Variants in TMIE observed in about 807,000 individuals in gnomAD.
TMIE encodes transmembrane inner ear.
In TMIE, 14 loss-of-function variants were observed where a neutral mutation model predicts 16.8. The observed-to-expected ratio is 0.83, with a 90% CI of 0.55 to 1.30. TMIE has a LOEUF of 1.30. TMIE is among the 50% of genes most tolerant of loss of function. The probability of loss-of-function intolerance (pLI) is 0.00; values close to 1 mark genes in which losing one functional copy is unlikely to be tolerated. For synonymous variants in TMIE, 75 were observed against 87.2 expected (o/e 0.86, Z 0.78); for missense variants, 204 against 205.9 (o/e 0.99, Z 0.06).
At chr3:46,698,334 G>C (rs528404562), upstream of TMIE, among the ~76,000 whole-genome samples, 2 of 151,968 alleles carry the variant, frequency 1.3e-5, no homozygotes, top group Non-Finnish European at 2.9e-5. Context: ...GTGAGCCACC[G>C]CACCTGGCCC....
rs555355763 is a variant in TMIE at position 46,707,253 on chromosome 3, G to A, written c.211+1346G>A. ...TAGGATGCAGGTCTACGGAGCAGCA[G>A]GGAGAGCACTGTGGGCCTCAAGACA... On this transcript the variant is annotated intron_variant, in intron 2 of 3. Coordinates refer to ENST00000643606, the MANE Select transcript of TMIE (RefSeq NM_147196.3). 4.6e-5 allele frequency among the ~76,000 whole-genome samples: 7 copies of A among 152,372 alleles called. 1 individual carries two copies. The South Asian group carries it at 1.2e-3, about 27-fold the overall frequency.
upstream of TMIE, among the ~76,000 whole-genome samples, chr3:46,700,444 G>T (rs1439453661): frequency 6.6e-6 from 1 of 152,138 alleles, no homozygotes; most frequent in Admixed American, 6.5e-5. Flanking sequence ...CCCAGCCTGC[G>T]CAGGCCTTCA....
rs774644005 is a variant in TMIE at position 46,709,659 on chromosome 3, G to T, written c.442G>T (p.Glu148Ter). The T allele has an allele frequency of 1.2e-6, 2 of 1,613,986 alleles. No individual in the cohort carries two copies. Among genetic ancestry groups the T allele is most frequent in the East Asian group, 2.2e-5 (1 of 44,864 alleles). ...CAAAGTAGAGGAGGATGAGAAGAAT[G>T]AGGCCAAGAAGAAGAAAGGAGAGAA... ...AIKVEEDEKNEAKKKKGEK is the reference protein window; with the variant it reads ...AIKVEEDEKN The change falls in exon 4 of 4, where the codon GAG becomes TAG. Residue 148 changes from glutamate (E) to a stop codon, truncating the protein, a stop_gained. Transcript: ENST00000643606. LOFTEE classifies it high-confidence loss of function.
chr3:46,709,888 C>A lies in TMIE; in HGVS notation c.*200C>A. The A allele has an allele frequency of 8.9e-7, 1 of 1,122,574 alleles. No individual in the cohort carries two copies. 69.5% of individuals were successfully genotyped at this position (1,122,574 alleles called of 1,614,324 possible). ...TAGGTGTCCTGCCCCCCAGCCTAGGCTTGGCTCCTTTCACCCCATCCACAT... is the reference window on the plus strand; with the variant it reads ...TAGGTGTCCTGCCCCCCAGCCTAGGATTGGCTCCTTTCACCCCATCCACAT... On this transcript the variant is annotated 3_prime_UTR_variant, in exon 4 of 4. Transcript: ENST00000643606.
chr3:46,702,765 G>T (rs1176249892), intron 1 of TMIE, among the ~76,000 whole-genome samples: 1 of 152,154 alleles, frequency 6.6e-6, no homozygotes, highest in Admixed American at 6.5e-5. Flanking sequence ...GGACCCAGAT[G>T]TAGCCTGTCC....
Position 46,709,864 on chromosome 3 carries a change from A to G in TMIE, c.*176A>G. The G allele has an allele frequency of 7.5e-7, 1 of 1,328,244 alleles. No homozygotes were observed. The allele number at this position is 1,328,244 out of a possible 1,614,324, so 82.3% of individuals were successfully genotyped here. A position where few individuals can be genotyped will look rare whatever the true frequency, so the allele number is the denominator to read the frequency against. On this transcript the variant is annotated 3_prime_UTR_variant, in exon 4 of 4. Transcript: ENST00000643606. ...AGGGGCAGGAACCAGACAATCTCGT[A>G]GGTGTCCTGCCCCCCAGCCTAGGCT...
chr3:46,699,057 C>CTTTTTTTTTT (rs1246748003), upstream of TMIE, among the ~76,000 whole-genome samples: 2 of 65,292 alleles, frequency 3.1e-5, no homozygotes, highest in African/African-American at 5.4e-5. Flanking sequence ...AATGGTGTTT[C>CTTTTTTTTTT]TTATTTTTTT....
intron 1 of TMIE, among the ~76,000 whole-genome samples, chr3:46,703,674 A>G (rs1700506072): frequency 6.6e-6 from 1 of 152,198 alleles, no homozygotes; most frequent in Admixed American, 6.5e-5. Flanking sequence ...CCTGAGAATC[A>G]GGTACCAATC....
intron 1 of TMIE, among the ~76,000 whole-genome samples, chr3:46,695,600 A>G (rs1264350711): frequency 6.6e-6 from 1 of 152,146 alleles, no homozygotes; most frequent in African/African-American, 2.4e-5. Context: ...GGAGGAGCAT[A>G]TGGCCTCACC....
chr3:46,701,306 C>T (rs1435291042), upstream of TMIE: 1 of 469,326 alleles, frequency 2.1e-6, no homozygotes, highest in South Asian at 3.5e-5. The surrounding 1 kb of genome is among the most constrained non-coding windows in gnomAD (Gnocchi z 4.3). Flanking sequence ...AGGGGGCGGG[C>T]CCTCCACCGC....
At chr3:46,697,328 G>A (rs1054191698), upstream of TMIE, among the ~76,000 whole-genome samples, 8 of 152,092 alleles carry the variant, frequency 5.3e-5, no homozygotes, top group South Asian at 2.1e-4. Context: ...TTCTGATTGC[G>A]AGTCTTAAGA....
intron 1 of TMIE, among the ~76,000 whole-genome samples, chr3:46,694,848 C>A (rs150239896): frequency 1.1e-4 from 16 of 152,292 alleles, no homozygotes; most frequent in African/African-American, 3.6e-4. Context: ...CCATCCCTCC[C>A]CACATTGCCA....
At position 46,709,171 on chromosome 3, in the gene TMIE, G is replaced by A. The variant is rs750584965; in HGVS notation, c.257G>A (p.Arg86Gln). Residue 86 changes from arginine (R) to glutamine (Q), a missense_variant, in exon 3 of 4, where the codon CGG becomes CAG. Coordinates refer to ENST00000643606, the MANE Select transcript of TMIE (RefSeq NM_147196.3). ...CVFNCRVPRTRKEIEARYLQR... is the reference protein window; with the variant it reads ...CVFNCRVPRTQKEIEARYLQR... ...TTCAACTGTCGTGTGCCACGGACCC[G>A]GAAGGAGATCGAAGCCCGGTACCTG... is the stretch of plus-strand genomic sequence containing the variant. 2.7e-5 allele frequency: 44 copies of A among 1,614,014 alleles called. No individual in the cohort carries two copies. Among genetic ancestry groups the A allele is most frequent in the African/African-American group, 6.7e-5 (5 of 74,938 alleles).
At chr3:46,694,226 C>T (rs1700343128), upstream of TMIE, among the ~76,000 whole-genome samples, 1 of 152,318 alleles carries the variant, frequency 6.6e-6, no homozygotes, top group Non-Finnish European at 1.5e-5. Context: ...CCCTCCTGTG[C>T]GACCTTGGGG....
chr3:46,706,038 G>T (rs886686909), intron 2 of TMIE, 131 bp downstream of exon 2: 163 of 941,360 alleles, frequency 1.7e-4, no homozygotes, highest in Non-Finnish European at 2.6e-4. Context: ...ACCCGCGGTG[G>T]TTTCTGGCAC....
At chr3:46,704,414 G>A (rs1700518983) in intron 1 of TMIE, among the ~76,000 whole-genome samples, 1 of 147,806 alleles carries the variant, frequency 6.8e-6, no homozygotes, top group Non-Finnish European at 1.5e-5. Context: ...GAGACCCAGG[G>A]TGGACCATGT....
At chr3:46,699,057 C>CTTTTTTTTTTTTTTTTTTTTTTTTTTT (rs1246748003), upstream of TMIE, among the ~76,000 whole-genome samples, 3 of 65,292 alleles carry the variant, frequency 4.6e-5, no homozygotes, top group Non-Finnish European at 6.5e-5. Flanking sequence ...AATGGTGTTT[C>CTTTTTTTTTTTTTTTTTTTTTTTTTTT]TTATTTTTTT....
In TMIE at chr3:46,701,552, T is replaced by C; in HGVS notation, c.65T>C (p.Leu22Pro). 7.8e-7 allele frequency: 1 copy of C among 1,284,570 alleles called. No homozygotes were observed. Among genetic ancestry groups the C allele is most frequent in the Non-Finnish European group, 9.8e-7 (1 of 1,018,266 alleles). 79.6% of individuals were successfully genotyped at this position (1,284,570 alleles called of 1,614,324 possible). A position where few individuals can be genotyped will look rare whatever the true frequency, so the allele number is the denominator to read the frequency against. The change falls in exon 1 of 4, where the codon CTC becomes CCC. Residue 22 changes from leucine to proline, a missense_variant. By Grantham distance (98) the Leu-to-Pro change is moderately conservative. Transcript: ENST00000643606. This position sits in a 1 kb window ranked among gnomAD's most constrained non-coding sequence, Gnocchi z 4.3. ...VLGGAALGVC[L>P]AGVAGQLVEP... The stretch of plus-strand genomic sequence containing the variant: ...GGCGGCGCCGCACTCGGGGTGTGCC[T>C]CGCGGGGGTTGCCGGGCAGCTGGTG...
At chr3:46,694,913 C>T (rs951940825) in intron 1 of TMIE, among the ~76,000 whole-genome samples, 1 of 152,174 alleles carries the variant, frequency 6.6e-6, no homozygotes, top group African/African-American at 2.4e-5. Flanking sequence ...TTGCCCCCTT[C>T]TGCACCCCCT....
Sources: allele counts gnomAD v4.1 joint callset (sites outside exome capture counted in the v4.1 genomes callset), GRCh38; gene constraint gnomAD v4.1.1; non-coding constraint Gnocchi (gnomAD v3.1); transcripts MANE v1.5; gene names NCBI Gene and HGNC (gene_info 2026-07-23, HGNC 2026-07-21).